Variants in NEK6 observed in about 807,000 individuals in gnomAD.
NEK6 encodes the protein serine/threonine-protein kinase Nek6.
NEK6 carries 27 observed loss-of-function variants against 43.5 expected under a neutral mutation model. The ratio of observed to expected loss-of-function variants is 0.62; its 90% CI spans 0.46 to 0.86. NEK6 has a LOEUF of 0.86. Among genes scored for constraint, NEK6 ranks in the 40% least tolerant of loss-of-function variants. The pLI is 0.00. For synonymous variants in NEK6, 167 were observed against 164.1 expected (o/e 1.02, Z -0.14); for missense variants, 318 against 414.4 (o/e 0.77, Z 2.02).
chr9:124,289,174 C>T (rs1832290432), intron 1 of NEK6, among the ~76,000 whole-genome samples: 1 of 17,352 alleles, frequency 5.8e-5, no homozygotes, highest in Non-Finnish European at 1.1e-4. Flanking sequence ...GACACCCCCC[C>T]CGCCCCCCCC....
chr9:124,272,402 A>G (rs1012787134), intron 1 of NEK6, among the ~76,000 whole-genome samples: 2 of 152,232 alleles, frequency 1.3e-5, no homozygotes, highest in Admixed American at 1.3e-4. Context: ...AAACCGGTGC[A>G]GGGTTCCTGG....
intron 7 of NEK6, among the ~76,000 whole-genome samples, chr9:124,329,338 T>G (rs967169645): frequency 6.6e-6 from 1 of 152,208 alleles, no homozygotes; most frequent in African/African-American, 2.4e-5. Context: ...GCACCGAGCC[T>G]TTCTCTGTCC....
At chr9:124,311,911 A>T (rs893699537) in intron 2 of NEK6, among the ~76,000 whole-genome samples, 1 of 152,200 alleles carries the variant, frequency 6.6e-6, no homozygotes, top group Non-Finnish European at 1.5e-5. Context: ...GCTGGTCTCG[A>T]ACTCCTGACC....
rs551677319 is a variant in NEK6, at chr9:124,307,835, C to T, written c.91-4674C>T. ...GCACGTCGTCAGCCCCACCGCCTCA[C>T]TGCAGCCCCCAAGGTTACCGCCAGC... On this transcript the variant is annotated intron_variant, in intron 2 of 9. Transcript: ENST00000320246. Among the ~76,000 whole-genome samples, 7 of 152,304 alleles carry T rather than the reference C, an allele frequency of 4.6e-5. No homozygotes were observed. The East Asian group carries it at 1.4e-3, about 29-fold the overall frequency.
rs540804207 is a variant in NEK6 at position 124,329,336 on chromosome 9, C to A, written c.622+1891C>A. ...CTGTCCCCCGTCAGTCAGCACCGAGCCTTTCTCTGTCCCACTGCAGAAAAA... is the reference window on the plus strand; with the variant it reads ...CTGTCCCCCGTCAGTCAGCACCGAGACTTTCTCTGTCCCACTGCAGAAAAA... On this transcript the variant is annotated intron_variant, in intron 7 of 9. Coordinates refer to ENST00000320246, the MANE Select transcript of NEK6 (RefSeq NM_014397.6). 3.3e-4 allele frequency among the ~76,000 whole-genome samples: 51 copies of A among 152,364 alleles called. 1 individual carries two copies. The South Asian group carries it at 8.9e-3, about 27-fold the overall frequency.
intron 7 of NEK6, among the ~76,000 whole-genome samples, chr9:124,339,072 A>G (rs1325872714): frequency 8.0e-6 from 1 of 124,592 alleles, no homozygotes; most frequent in African/African-American, 3.2e-5. Flanking sequence ...TCTGTTGCCC[A>G]GGCTGGAGTG....
chr9:124,351,501 G>A lies in NEK6; in HGVS notation c.*554G>A, dbSNP rs1291096306. ...ATTTTTATCTACGTTTTATAACTTG[G>A]TGAGTGACGATGAGAGCCCTGCACC... On this transcript the variant is annotated 3_prime_UTR_variant, in exon 10 of 10. Coordinates refer to ENST00000320246, the MANE Select transcript of NEK6 (RefSeq NM_014397.6). 1 of 152,400 alleles carries A rather than the reference G, an allele frequency of 6.6e-6. No individual in the cohort carries two copies. The highest frequency in any genetic ancestry group is 1.9e-4 in the East Asian group (1 of 5,198). The allele number at this position is 152,400 out of a possible 1,614,324, so 9.4% of individuals were successfully genotyped here. A position where few individuals can be genotyped will look rare whatever the true frequency, so the allele number is the denominator to read the frequency against.
At chr9:124,300,315 C>A (rs1256170798) in intron 1 of NEK6, among the ~76,000 whole-genome samples, 1 of 152,162 alleles carries the variant, frequency 6.6e-6, no homozygotes, top group Non-Finnish European at 1.5e-5. Flanking sequence ...AGTGGCCGGA[C>A]CTCTAGGAGC....
At chr9:124,258,151 G>C (rs1830881500) in intron 1 of NEK6, 66 bp downstream of exon 1, 1 of 977,306 alleles carries the variant, frequency 1.0e-6, no homozygotes, top group African/African-American at 1.8e-5. Flanking sequence ...CGGGGGCCGG[G>C]CGGCGGGGCC....
intron 3 of NEK6, among the ~76,000 whole-genome samples, chr9:124,313,619 C>T (rs1035527519): frequency 1.1e-4 from 17 of 152,222 alleles, no homozygotes; most frequent in Admixed American, 9.2e-4. Flanking sequence ...CCACCCACCT[C>T]AGCCTCGCTG....
chr9:124,289,351 C>A (rs1832309949), intron 1 of NEK6, among the ~76,000 whole-genome samples: 1 of 152,054 alleles, frequency 6.6e-6, no homozygotes, highest in South Asian at 2.1e-4. Flanking sequence ...GCTAGGACTC[C>A]CTGAGTCTCA....
chr9:124,312,987 TG>T (rs750674612), intron 3 of NEK6, among the ~76,000 whole-genome samples: 54 of 152,242 alleles, frequency 3.5e-4, no homozygotes, highest in Admixed American at 5.9e-4. Flanking sequence ...GCATGAGTCT[TG>T]GGGGAGCTGA....
intron 1 of NEK6, among the ~76,000 whole-genome samples, chr9:124,289,167 A>T (rs1248558744): frequency 6.6e-5 from 1 of 15,184 alleles, no homozygotes; most frequent in Admixed American, 6.5e-4. Flanking sequence ...TTGATTGGAC[A>T]CCCCCCCCGC....
intron 1 of NEK6, among the ~76,000 whole-genome samples, chr9:124,279,449 A>C (rs189133168): frequency 2.0e-5 from 3 of 152,128 alleles, no homozygotes; most frequent in African/African-American, 7.2e-5. Flanking sequence ...CTGCAGGCAC[A>C]CACCACAACG....
rs1010989250 is a variant in NEK6 at position 124,275,668 on chromosome 9, C to A, written c.-30+17583C>A. Among the ~76,000 whole-genome samples, 1 of 152,246 alleles carries A rather than the reference C, an allele frequency of 6.6e-6. No homozygotes were observed. Among genetic ancestry groups the A allele is most frequent in the Non-Finnish European group, 1.5e-5 (1 of 68,042 alleles). On this transcript the variant is annotated intron_variant, in intron 1 of 9. Transcript: ENST00000320246. This position sits in a 1 kb window ranked among gnomAD's most constrained non-coding sequence, Gnocchi z 4.4. ...CCCACCCTGTGAGGCCCACTAATGG[C>A]CAGTCCCCTGCCCCAGGATCCCCTC...
At chr9:124,258,142 G>A (rs1830881137) in intron 1 of NEK6, 57 bp downstream of exon 1, 3 of 977,502 alleles carry the variant, frequency 3.1e-6, no homozygotes, top group South Asian at 4.7e-5. Flanking sequence ...GGAGAAGGGC[G>A]GGGGCCGGGC....
In NEK6 at chr9:124,326,205, C is replaced by CCCCCCCCCCCCCCCT; in HGVS notation, c.406-117_406-116insCCCCCCTCCCCCCCC. The CCCCCCCCCCCCCCCT allele has an allele frequency of 8.1e-6, 1 of 122,836 alleles. No homozygotes were observed. The highest frequency in any genetic ancestry group is 8.7e-5 in the Admixed American group (1 of 11,500). 7.6% of individuals were successfully genotyped at this position (122,836 alleles called of 1,614,324 possible). A position where few individuals can be genotyped will look rare whatever the true frequency, so the allele number is the denominator to read the frequency against. ...TATTGTTTGCTCAGTGGCTCAATCCCCCCCCCCCGCCCCTGCCAGGCACCA... is the reference window on the plus strand; with the variant it reads ...TATTGTTTGCTCAGTGGCTCAATCCCCCCCCCCCCCCCCCTCCCCCCCCGCCCCTGCCAGGCACCA... On this transcript the variant is annotated intron_variant, in intron 5 of 9. Coordinates refer to ENST00000320246, the MANE Select transcript of NEK6 (RefSeq NM_014397.6). This position sits in a 1 kb window ranked among gnomAD's most constrained non-coding sequence, Gnocchi z 4.5.
intron 1 of NEK6, among the ~76,000 whole-genome samples, chr9:124,298,423 A>G (rs1832803523): frequency 6.6e-6 from 1 of 151,976 alleles, no homozygotes; most frequent in Non-Finnish European, 1.5e-5. Flanking sequence ...TTTGGCAGCA[A>G]AGGCACCACT....
chr9:124,317,307 C>T (rs1035501900), intron 4 of NEK6, among the ~76,000 whole-genome samples: 4 of 152,114 alleles, frequency 2.6e-5, no homozygotes, highest in African/African-American at 7.2e-5. Flanking sequence ...GGCTGGAGTG[C>T]CGTGGTGCGA....
Sources: allele counts gnomAD v4.1 joint callset (sites outside exome capture counted in the v4.1 genomes callset), GRCh38; gene constraint gnomAD v4.1.1; non-coding constraint Gnocchi (gnomAD v3.1); transcripts MANE v1.5; gene names NCBI Gene and HGNC (gene_info 2026-07-23, HGNC 2026-07-21).